Variants in CUL2 observed in about 807,000 individuals in gnomAD.
The protein encoded by CUL2 is cullin 2, also known as cullin-2.
In CUL2, 22 loss-of-function variants were observed where a neutral mutation model predicts 110.2. The observed-to-expected ratio is 0.20, with a 90% CI of 0.14 to 0.28. CUL2 has a LOEUF of 0.28. Ranked by LOEUF, CUL2 falls within the 10% of genes least tolerant of loss-of-function variation. The pLI, the probability that CUL2 is intolerant of heterozygous loss-of-function variation, is 1.00. For synonymous variants in CUL2, 279 were observed against 293.2 expected (o/e 0.95, Z 0.49); for missense variants, 631 against 905.5 (o/e 0.70, Z 3.89).
chr10:35,035,047 A>C (rs2085584462), intron 10 of CUL2, 125 bp downstream of exon 10: 2 of 1,135,876 alleles, frequency 1.8e-6, no homozygotes, highest in Non-Finnish European at 2.5e-6. Flanking sequence ...CATTTGAATA[A>C]AGACATTTCT....
At chr10:35,118,320 C>T (rs1413502285) in intron 1 of CUL2, 2 of 152,094 alleles carry the variant, frequency 1.3e-5, no homozygotes, top group African/African-American at 4.8e-5. Flanking sequence ...TTTTTTTCCC[C>T]TTCTGGAATT....
intron 2 of CUL2, among the ~76,000 whole-genome samples, chr10:35,065,322 C>A (rs2086489043): frequency 6.6e-6 from 1 of 152,056 alleles, no homozygotes; most frequent in Non-Finnish European, 1.5e-5. Context: ...GGGCAGATCA[C>A]CAGGTCAAGA....
At chr10:35,061,326 T>A (rs558795571) in intron 3 of CUL2, among the ~76,000 whole-genome samples, 7 of 151,770 alleles carry the variant, frequency 4.6e-5, no homozygotes, top group Non-Finnish European at 7.4e-5. Flanking sequence ...AAAAAAAAAT[T>A]AGCCAGCCGT....
intron 1 of CUL2, among the ~76,000 whole-genome samples, chr10:35,085,766 T>C (rs921216400): frequency 3.3e-5 from 5 of 151,408 alleles, no homozygotes; most frequent in Admixed American, 1.3e-4. Flanking sequence ...CAGACATTTT[T>C]CCAGAATACA....
At chr10:35,102,654 G>A (rs2135110574) in intron 1 of CUL2, among the ~76,000 whole-genome samples, 1 of 150,684 alleles carries the variant, frequency 6.6e-6, no homozygotes, top group East Asian at 2.0e-4. Flanking sequence ...AGAGACCGAG[G>A]CGGGTGGATC....
intron 3 of CUL2, among the ~76,000 whole-genome samples, chr10:35,062,264 C>A (rs1753883002): frequency 6.6e-6 from 1 of 152,148 alleles, no homozygotes; most frequent in South Asian, 2.1e-4. Flanking sequence ...GAGACAGCTT[C>A]TATCACCATT....
At chr10:35,051,904 A>G (rs1242508195) in intron 5 of CUL2, among the ~76,000 whole-genome samples, 3 of 152,208 alleles carry the variant, frequency 2.0e-5, no homozygotes, top group Admixed American at 2.0e-4. Flanking sequence ...AAAGTTTAAT[A>G]TACTCAAATT....
intron 1 of CUL2, among the ~76,000 whole-genome samples, chr10:35,102,014 C>T (rs551687024): frequency 9.9e-5 from 15 of 152,214 alleles, no homozygotes; most frequent in African/African-American, 3.4e-4. Context: ...GCCAGGCAGG[C>T]CAATCACCTG....
At chr10:35,095,889 A>G (rs962257807) in intron 2 of CUL2, among the ~76,000 whole-genome samples, 4 of 151,944 alleles carry the variant, frequency 2.6e-5, no homozygotes, top group African/African-American at 9.7e-5. Flanking sequence ...ACATTTTTCT[A>G]CCTTTTATTT....
chr10:35,124,072 C>A (rs1457063076), intron 1 of CUL2, among the ~76,000 whole-genome samples: 2 of 152,164 alleles, frequency 1.3e-5, no homozygotes, highest in East Asian at 1.9e-4. Flanking sequence ...AATCCCAACA[C>A]TTTGGGAAGC....
intron 2 of CUL2, among the ~76,000 whole-genome samples, chr10:35,067,312 T>C (rs867569350): frequency 1.3e-5 from 2 of 152,128 alleles, no homozygotes; most frequent in Non-Finnish European, 2.9e-5. Context: ...TCTCCTCCAG[T>C]AGGAAAATGT....
chr10:35,053,357 T>C (rs2086160844), intron 5 of CUL2, among the ~76,000 whole-genome samples: 1 of 152,236 alleles, frequency 6.6e-6, no homozygotes, highest in South Asian at 2.1e-4. Flanking sequence ...CCTATAATTT[T>C]GTGTCCAAAT....
chr10:35,042,148 C>T (rs145994688), intron 8 of CUL2, among the ~76,000 whole-genome samples: 4 of 152,246 alleles, frequency 2.6e-5, no homozygotes, highest in Admixed American at 6.5e-5. Context: ...AACTTTATAA[C>T]CATTAAGTAA....
chr10:35,123,156 C>CAA (rs1254233227), intron 1 of CUL2, among the ~76,000 whole-genome samples: 1 of 34,276 alleles, frequency 2.9e-5, no homozygotes, highest in Non-Finnish European at 6.3e-5. Flanking sequence ...CAAAACATAA[C>CAA]AAAAAACAAA....
chr10:35,123,101 G>C (rs1002949436), intron 1 of CUL2, among the ~76,000 whole-genome samples: 2 of 152,132 alleles, frequency 1.3e-5, no homozygotes, highest in African/African-American at 4.8e-5. Context: ...CGGCACCACT[G>C]CACTCCAGCC....
At chr10:35,098,555 T>A (rs953602796) in intron 2 of CUL2, among the ~76,000 whole-genome samples, 1 of 151,676 alleles carries the variant, frequency 6.6e-6, no homozygotes, top group Non-Finnish European at 1.5e-5. Context: ...AAAAAAAATG[T>A]GTGTTACCAA....
At chr10:35,068,258 C>T (rs2086587233) in intron 2 of CUL2, among the ~76,000 whole-genome samples, 1 of 151,204 alleles carries the variant, frequency 6.6e-6, no homozygotes, top group Non-Finnish European at 1.5e-5. Context: ...CCCATTTCTA[C>T]CAAAAATACA....
intron 1 of CUL2, among the ~76,000 whole-genome samples, chr10:35,076,381 C>G (rs1422806813): frequency 6.6e-6 from 1 of 151,970 alleles, no homozygotes; most frequent in East Asian, 1.9e-4. Flanking sequence ...TTGTATATTT[C>G]AAATAGGTAA....
At chr10:35,041,380 C>T (rs376580684) in intron 8 of CUL2, among the ~76,000 whole-genome samples, 1 of 152,078 alleles carries the variant, frequency 6.6e-6, no homozygotes, top group African/African-American at 2.4e-5. Flanking sequence ...AGCTGTAAAA[C>T]CCCTGGGGGA....
Sources: allele counts gnomAD v4.1 joint callset (sites outside exome capture counted in the v4.1 genomes callset), GRCh38; gene constraint gnomAD v4.1.1; transcripts MANE v1.5; gene names NCBI Gene and HGNC (gene_info 2026-07-23, HGNC 2026-07-21).